COL19A1: variants seen among roughly 807,000 people sequenced by gnomAD.
The protein encoded by COL19A1 is collagen type XIX alpha 1 chain.
Under a neutral mutation model 190.2 loss-of-function variants are expected in COL19A1, and 159 were observed. The ratio of observed to expected loss-of-function variants is 0.84; its 90% CI spans 0.73 to 0.95. COL19A1 has a LOEUF of 0.95. Ranked by LOEUF, COL19A1 falls within the 40% of genes least tolerant of loss-of-function variation. The pLI, the probability that COL19A1 is intolerant of heterozygous loss-of-function variation, is 0.00. For synonymous variants in COL19A1, 509 were observed against 458.9 expected (o/e 1.11, Z -1.39); for missense variants, 1,418 against 1,431.9 (o/e 0.99, Z 0.16).
chr6:70,196,937 G>A (rs1767235508), intron 48 of COL19A1, among the ~76,000 whole-genome samples: 1 of 152,126 alleles, frequency 6.6e-6, no homozygotes, highest in Non-Finnish European at 1.5e-5. Context: ...CTAAATGACT[G>A]TTTCTGAGTG....
intron 48 of COL19A1, among the ~76,000 whole-genome samples, chr6:70,192,048 TTTG>T (rs138901281): frequency 0.27 from 41,244 of 151,690 alleles, 5,874 homozygotes; most frequent in Non-Finnish European, 0.32. Context: ...AATGGGGTTT[TTTG>T]TTGTTGTTGT....
intron 11 of COL19A1, among the ~76,000 whole-genome samples, chr6:69,975,090 G>A (rs1041735506): frequency 1.3e-5 from 2 of 152,024 alleles, no homozygotes; most frequent in Non-Finnish European, 1.5e-5. Flanking sequence ...TGGGATTATA[G>A]GCGTGAGCCA....
intron 14 of COL19A1, among the ~76,000 whole-genome samples, chr6:70,044,809 A>T (rs1176931292): frequency 6.6e-6 from 1 of 152,186 alleles, no homozygotes; most frequent in Admixed American, 6.5e-5. Flanking sequence ...ATCATTTCCA[A>T]TAAGCCCTTA....
chr6:70,163,341 AGGG>A lies in COL19A1; in HGVS notation c.2347-1_2348del. 1 of 1,611,992 alleles carries A rather than the reference AGGG, an allele frequency of 6.2e-7. No homozygotes were observed. On this transcript the variant is annotated splice_acceptor_variant and coding_sequence_variant, in exon 36 of 51. Coordinates refer to ENST00000620364, the MANE Select transcript of COL19A1 (RefSeq NM_001858.6). LOFTEE classifies it high-confidence loss of function. ...TAACAAACTTAGTTTTGTGTTTTAC[AGGG>A]CTTAATGGGAAGAACTGGACATCCT...
At chr6:70,025,087 G>A (rs1378912415) in intron 12 of COL19A1, among the ~76,000 whole-genome samples, 1 of 150,892 alleles carries the variant, frequency 6.6e-6, no homozygotes, top group Non-Finnish European at 1.5e-5. Context: ...TGCAGTGGCA[G>A]TGGCATGATC....
chr6:70,050,438 C>T (rs562666820), intron 14 of COL19A1, among the ~76,000 whole-genome samples: 1 of 152,072 alleles, frequency 6.6e-6, no homozygotes, highest in East Asian at 1.9e-4. Context: ...CCAGTGTAAA[C>T]TTCATGAGAA....
rs1400439116 is a variant in COL19A1 at position 70,102,736 on chromosome 6, A to AG, written c.1278+514_1278+515insG. Among the ~76,000 whole-genome samples the AG allele has an allele frequency of 3.9e-5, 6 of 152,266 alleles. No individual in the cohort carries two copies. The East Asian group carries it at 1.2e-3, about 29-fold the overall frequency. ...TACCCCAAGCTTCTAGAAAAAAAAA[A>AG]TATTCAATTTCTTGTAGTTCTGGTA... is the stretch of plus-strand genomic sequence containing the variant. On this transcript the variant is annotated intron_variant, in intron 16 of 50. Transcript: ENST00000620364.
In COL19A1 at chr6:70,151,259, T is replaced by G. The variant is rs2150246618; in HGVS notation, c.2038-138T>G. The G allele has an allele frequency of 6.8e-6, 5 of 731,572 alleles. No homozygotes were observed. The East Asian group carries it at 1.4e-4, about 20-fold the overall frequency. 45.3% of individuals were successfully genotyped at this position (731,572 alleles called of 1,614,324 possible). A position where few individuals can be genotyped will look rare whatever the true frequency, so the allele number is the denominator to read the frequency against. The stretch of plus-strand genomic sequence containing the variant: ...ACATTTCTTTATACGAAACATAATG[T>G]TAAGCCAGTGATTCTAAAGTGAGAC... On this transcript the variant is annotated intron_variant, in intron 30 of 50. Coordinates refer to ENST00000620364, the MANE Select transcript of COL19A1 (RefSeq NM_001858.6).
chr6:70,068,537 A>G (rs377118418), intron 15 of COL19A1, 61 bp downstream of exon 15: 44 of 1,102,086 alleles, frequency 4.0e-5, no homozygotes, highest in Non-Finnish European at 5.1e-5. Context: ...ATTTGGGAAC[A>G]CTAATGAAAA....
chr6:70,086,152 C>CT (rs1166441459), intron 15 of COL19A1, among the ~76,000 whole-genome samples: 1 of 152,006 alleles, frequency 6.6e-6, no homozygotes, highest in African/African-American at 2.4e-5. Context: ...TGGCCCTATA[C>CT]TTTTCGTATT....
rs1770079274 is a variant in COL19A1 at position 69,900,170 on chromosome 6, A to G, written c.167-69A>G. The G allele has an allele frequency of 5.7e-6, 6 of 1,044,738 alleles. No individual in the cohort carries two copies. In the African/African-American group the frequency reaches 9.9e-5, roughly 17 times the overall value. The allele number at this position is 1,044,738 out of a possible 1,614,324, so 64.7% of individuals were successfully genotyped here. ...GAATCAATTAATAGATAAGGGCAAC[A>G]CAAAATTCTGTTTAGAAATTAACAT... On this transcript the variant is annotated intron_variant, in intron 3 of 50. Transcript: ENST00000620364.
chr6:69,915,888 T>C (rs1771262739), intron 4 of COL19A1, among the ~76,000 whole-genome samples: 1 of 152,000 alleles, frequency 6.6e-6, no homozygotes, highest in Non-Finnish European at 1.5e-5. Context: ...TACATACTGT[T>C]CTCATGATTT....
chr6:70,052,520 G>A (rs1457775952), intron 14 of COL19A1, among the ~76,000 whole-genome samples: 1 of 152,196 alleles, frequency 6.6e-6, no homozygotes, highest in Non-Finnish European at 1.5e-5. Flanking sequence ...TAGTCCCGGA[G>A]TATCTTTTTT....
At chr6:70,149,817 A>C in intron 28 of COL19A1, 34 bp from the exon 29 acceptor site, 1 of 1,613,610 alleles carries the variant, frequency 6.2e-7, no homozygotes, top group Non-Finnish European at 8.5e-7. Flanking sequence ...GACCATCCTC[A>C]TAAGTAACTG....
intron 9 of COL19A1, among the ~76,000 whole-genome samples, chr6:69,945,209 A>C (rs1409890646): frequency 6.6e-6 from 1 of 152,012 alleles, no homozygotes; most frequent in Non-Finnish European, 1.5e-5. Context: ...TAATTTGCCA[A>C]AATGTGTTGA....
chr6:70,025,890 C>T (rs1477252634), intron 12 of COL19A1, among the ~76,000 whole-genome samples: 2 of 152,160 alleles, frequency 1.3e-5, no homozygotes, highest in African/African-American at 4.8e-5. Context: ...TATGATTTGG[C>T]ACTTGATTGG....
chr6:70,102,448 A>G (rs1468023032), intron 16 of COL19A1, among the ~76,000 whole-genome samples: 1 of 152,102 alleles, frequency 6.6e-6, no homozygotes, highest in Admixed American at 6.6e-5. Context: ...CATACACCTC[A>G]CCCACTTCTT....
At chr6:69,959,906 A>T in intron 9 of COL19A1, 90 bp from the exon 10 acceptor site, 1 of 1,153,310 alleles carries the variant, frequency 8.7e-7, no homozygotes, top group African/African-American at 1.6e-5. Flanking sequence ...CTTTCCCCAC[A>T]ACACTAGAGC....
At chr6:70,189,828 A>G (rs904347959) in intron 47 of COL19A1, among the ~76,000 whole-genome samples, 4 of 152,216 alleles carry the variant, frequency 2.6e-5, no homozygotes, top group Admixed American at 1.3e-4. Context: ...TATCCCATGA[A>G]TACAACATTT....
Sources: allele counts gnomAD v4.1 joint callset (sites outside exome capture counted in the v4.1 genomes callset), GRCh38; gene constraint gnomAD v4.1.1; transcripts MANE v1.5; gene names NCBI Gene and HGNC (gene_info 2026-07-23, HGNC 2026-07-21).